The following ACER1 variants were observed in gnomAD, a reference collection of about 807,000 sequenced individuals.
The protein encoded by ACER1 is alkaline ceramidase 1.
ACER1 carries 28 observed loss-of-function variants against 24.9 expected under a neutral mutation model. The ratio of observed to expected loss-of-function variants is 1.13; its 90% confidence interval spans 0.83 to 1.54. The LOEUF (loss-of-function observed/expected upper bound fraction) is 1.54. Ranked by LOEUF, ACER1 falls within the 40% of genes most tolerant of loss-of-function variation. ACER1 has a pLI of 0.00. For synonymous variants in ACER1, 132 were observed against 131.4 expected (o/e 1.00, Z -0.03); for missense variants, 352 against 349.3 (o/e 1.01, Z -0.06).
intron 1 of ACER1, 69 bp from the exon 2 acceptor site, chr19:6,312,568 A>C (rs2091587497): frequency 8.0e-7 from 1 of 1,250,372 alleles, no homozygotes; most frequent in East Asian, 2.3e-5. Flanking sequence ...CCCTCTGTCC[A>C]GACACTCAGT....
At chr19:6,318,897 G>T (rs1353476898) in intron 1 of ACER1, among the ~76,000 whole-genome samples, 1 of 151,226 alleles carries the variant, frequency 6.6e-6, no homozygotes, top group Non-Finnish European at 1.5e-5. Flanking sequence ...TAGACGGGTG[G>T]TGGTGATTAA....
At chr19:6,332,699 C>T (rs1232945669) in intron 1 of ACER1, among the ~76,000 whole-genome samples, 1 of 151,880 alleles carries the variant, frequency 6.6e-6, no homozygotes, top group Non-Finnish European at 1.5e-5. Flanking sequence ...TTGAGACAGT[C>T]TCGCTTTTTC....
chr19:6,345,128 C>T, the ACER1 span, among the ~76,000 whole-genome samples: 1 of 152,206 alleles, frequency 6.6e-6, no homozygotes, highest in East Asian at 1.9e-4. Flanking sequence ...CTCCTGACCT[C>T]AGGTGATCCA....
At chr19:6,310,268 T>C (rs1189550407) in intron 3 of ACER1, among the ~76,000 whole-genome samples, 3 of 149,656 alleles carry the variant, frequency 2.0e-5, no homozygotes, top group Non-Finnish European at 4.4e-5. Context: ...TTTATATTTT[T>C]ACTAGAGACG....
At chr19:6,328,795 T>C (rs547249813) in intron 1 of ACER1, among the ~76,000 whole-genome samples, 4 of 151,722 alleles carry the variant, frequency 2.6e-5, no homozygotes, top group Admixed American at 6.6e-5. Flanking sequence ...GTCTTCCAAG[T>C]AGCTGGAACT....
chr19:6,345,562 ATTC>A, the ACER1 span, among the ~76,000 whole-genome samples: 1 of 134,228 alleles, frequency 7.5e-6, no homozygotes, highest in Non-Finnish European at 1.5e-5. Context: ...CAGGTATTAG[ATTC>A]TTTTTTTTTT....
chr19:6,332,043 T>G (rs1294675131), intron 1 of ACER1, among the ~76,000 whole-genome samples: 2 of 151,184 alleles, frequency 1.3e-5, no homozygotes, highest in African/African-American at 4.9e-5. Flanking sequence ...CTCGGCTCAT[T>G]GAAACCTCCG....
At chr19:6,313,927 G>T (rs1438772590) in intron 1 of ACER1, among the ~76,000 whole-genome samples, 1 of 152,042 alleles carries the variant, frequency 6.6e-6, no homozygotes, top group Non-Finnish European at 1.5e-5. Flanking sequence ...GAGGGCCAGT[G>T]GTTCAATTCT....
intron 3 of ACER1, 52 bp downstream of exon 3, chr19:6,312,097 T>G: frequency 6.3e-7 from 1 of 1,588,924 alleles, no homozygotes; most frequent in Non-Finnish European, 8.6e-7. Context: ...TCATGTAGAG[T>G]CAACTGAAGA....
At chr19:6,312,584 G>C (rs1315155774) in intron 1 of ACER1, 85 bp from the exon 2 acceptor site, 2 of 1,045,076 alleles carry the variant, frequency 1.9e-6, no homozygotes, top group East Asian at 4.8e-5. Context: ...TCAGTCACCA[G>C]CCAGTCGGTT....
At position 6,326,736 on chromosome 19, in the gene ACER1, T is replaced by C. The variant is rs2091663558; in HGVS notation, c.93+6723A>G. ...TCTTACAACCTGGGGACACCGAGCC[T>C]CCTCCCTGGAATCCCAGGATCATCC... On this transcript the variant is annotated intron_variant, in intron 1 of 5. Transcript: ENST00000301452. 2.6e-5 allele frequency among the ~76,000 whole-genome samples: 4 copies of C among 152,014 alleles called. No individual in the cohort carries two copies. The South Asian group carries it at 8.3e-4, about 32-fold the overall frequency.
the ACER1 span, among the ~76,000 whole-genome samples, chr19:6,348,990 G>A: frequency 1.8e-3 from 276 of 151,482 alleles, no homozygotes; most frequent in Middle Eastern, 6.8e-3. Context: ...CAGGAGGCGC[G>A]GGTTGCAGTG....
the ACER1 span, among the ~76,000 whole-genome samples, chr19:6,340,291 AGAAGGAAGGAAGGAAGGAAGGAAGGAAG>A: frequency 0.19 from 16,489 of 85,854 alleles, 2,331 homozygotes; most frequent in African/African-American, 0.27. Flanking sequence ...AAAAAAAGAA[AGAAGGAAGGAAGGAAGGAAGGAAGGAAG>A]GAAGGAAGGA....
intron 3 of ACER1, among the ~76,000 whole-genome samples, chr19:6,310,564 T>C (rs551698322): frequency 6.8e-6 from 1 of 146,392 alleles, no homozygotes; most frequent in South Asian, 2.2e-4. Flanking sequence ...AGGGAGATTC[T>C]GTCTCAAAAA....
At chr19:6,307,430 G>A in intron 4 of ACER1, 140 bp from the exon 5 acceptor site, 1 of 935,256 alleles carries the variant, frequency 1.1e-6, no homozygotes, top group South Asian at 1.7e-5. Context: ...GCAAGCAGAG[G>A]GGGCCCAATC....
chr19:6,323,146 C>T lies in ACER1; in HGVS notation c.93+10313G>A, dbSNP rs139423603. Among the ~76,000 whole-genome samples, 585 of 151,530 alleles carry T rather than the reference C, an allele frequency of 3.9e-3. 1 individual carries two copies. Among genetic ancestry groups the T allele is most frequent in the Middle Eastern group, 0.01 (3 of 290 alleles). ...CAAACAAAAAACAAAACAGGCAGGG[C>T]GCAGTGGTTCACACCTGTAATCCCA... On this transcript the variant is annotated intron_variant, in intron 1 of 5. Coordinates refer to ENST00000301452, the MANE Select transcript of ACER1 (RefSeq NM_133492.3).
chr19:6,332,429 C>T lies in ACER1; in HGVS notation c.93+1030G>A, dbSNP rs967323770. Among the ~76,000 whole-genome samples the T allele has an allele frequency of 2.6e-5, 4 of 151,776 alleles. No individual in the cohort carries two copies. The South Asian group carries it at 6.2e-4, about 24-fold the overall frequency. On this transcript the variant is annotated intron_variant, in intron 1 of 5. Coordinates refer to ENST00000301452, the MANE Select transcript of ACER1 (RefSeq NM_133492.3). ...GGAACTACAAGCACACACCACCACACCCAGCTAATTTTTAAAAACTTTTTG... is the reference window on the plus strand; with the variant it reads ...GGAACTACAAGCACACACCACCACATCCAGCTAATTTTTAAAAACTTTTTG...
chr19:6,317,176 G>A (rs567773060), intron 1 of ACER1, among the ~76,000 whole-genome samples: 1 of 152,046 alleles, frequency 6.6e-6, no homozygotes, highest in South Asian at 2.1e-4. Flanking sequence ...GTTTCACCAT[G>A]TTGGCCAGGC....
chr19:6,345,074 C>T, the ACER1 span, among the ~76,000 whole-genome samples: 1 of 151,910 alleles, frequency 6.6e-6, no homozygotes, highest in Non-Finnish European at 1.5e-5. Context: ...ACCACGTTGG[C>T]CAGGATGGTC....
Sources: gnomAD v4.1 joint callset for allele counts (sites outside exome capture counted in the v4.1 genomes callset) on GRCh38, gnomAD v4.1.1 for gene constraint, MANE v1.5 for transcripts, NCBI Gene and HGNC (gene_info 2026-07-23, HGNC 2026-07-21) for gene names.